Variants in ZNF793 observed in about 807,000 individuals in gnomAD.
The protein encoded by ZNF793 is zinc finger protein 793.
Under a neutral mutation model 12.4 loss-of-function variants are expected in ZNF793, and 5 were observed. The observed-to-expected ratio is 0.40, with a 90% CI of 0.21 to 0.84. ZNF793 has a LOEUF of 0.84. Ranked by LOEUF, ZNF793 falls within the 40% of genes least tolerant of loss-of-function variation. The probability of loss-of-function intolerance (pLI) is 0.35; values close to 1 mark genes in which losing one functional copy is unlikely to be tolerated. For synonymous variants in ZNF793, 162 were observed against 172.4 expected (o/e 0.94, Z 0.47); for missense variants, 456 against 495.0 (o/e 0.92, Z 0.75).
Position 37,542,309 on chromosome 19 carries a change from C to A in ZNF793, c.*4430C>A, listed in dbSNP as rs1423990259. On this transcript the variant is annotated 3_prime_UTR_variant, in exon 8 of 8. Transcript: ENST00000627814. ...TCGGGAGGCTGAGGCAGGAGAATCA[C>A]TTGAACCCAGGAGGCAGAGGTTGCA... 1 of 224,018 alleles carries A rather than the reference C, an allele frequency of 4.5e-6. No individual in the cohort carries two copies. The highest frequency in any genetic ancestry group is 2.3e-5 in the African/African-American group (1 of 43,670). 13.9% of individuals were successfully genotyped at this position (224,018 alleles called of 1,614,324 possible).
At chr19:37,527,772 T>G (rs1030167973) in intron 5 of ZNF793, among the ~76,000 whole-genome samples, 1 of 152,156 alleles carries the variant, frequency 6.6e-6, no homozygotes, top group African/African-American at 2.4e-5. Context: ...CTCATAGAAC[T>G]CACTGAAAGC....
chr19:37,523,747 G>A (rs1049991394), intron 5 of ZNF793, among the ~76,000 whole-genome samples: 2 of 152,200 alleles, frequency 1.3e-5, no homozygotes, highest in Non-Finnish European at 2.9e-5. Flanking sequence ...ATGGAGGCAA[G>A]GAGGCTTTTA....
chr19:37,525,228 T>A (rs1057106438), intron 5 of ZNF793, among the ~76,000 whole-genome samples: 8 of 151,902 alleles, frequency 5.3e-5, no homozygotes, highest in African/African-American at 1.9e-4. Flanking sequence ...CAACTCCTCC[T>A]TCCGGGTTCA....
At chr19:37,512,470 A>T (rs8109709) in intron 2 of ZNF793, among the ~76,000 whole-genome samples, 1 of 151,916 alleles carries the variant, frequency 6.6e-6, no homozygotes, top group Non-Finnish European at 1.5e-5. Context: ...AGCCGAGATC[A>T]CGCCACTACA....
chr19:37,533,805 A>C (rs2042481682), intron 7 of ZNF793: 2 of 361,468 alleles, frequency 5.5e-6, no homozygotes, highest in Non-Finnish European at 9.8e-6. Flanking sequence ...GTGGGATCAG[A>C]GAAGAGGAAG....
At chr19:37,527,626 A>G (rs1461329357) in intron 5 of ZNF793, among the ~76,000 whole-genome samples, 2 of 152,170 alleles carry the variant, frequency 1.3e-5, no homozygotes, top group East Asian at 1.9e-4. Context: ...TCCAGCCCCA[A>G]TCCACTGCTT....
At position 37,538,208 on chromosome 19, in the gene ZNF793, C is replaced by A; in HGVS notation, c.*329C>A. ...GGGATTACAGGCGTGAGCCACCGCG[C>A]CTGGCCGGTATGTAGGGAATTTATC... On this transcript the variant is annotated 3_prime_UTR_variant, in exon 8 of 8. Coordinates refer to ENST00000627814, the MANE Select transcript of ZNF793 (RefSeq NM_001013659.3). 1 of 213,298 alleles carries A rather than the reference C, an allele frequency of 4.7e-6. No homozygotes were observed. Among genetic ancestry groups the A allele is most frequent in the African/African-American group, 2.3e-5 (1 of 43,292 alleles). 13.2% of individuals were successfully genotyped at this position (213,298 alleles called of 1,614,324 possible). A position where few individuals can be genotyped will look rare whatever the true frequency, so the allele number is the denominator to read the frequency against.
Position 37,537,582 on chromosome 19 carries a change from G to C in ZNF793, c.924G>C (p.Glu308Asp), listed in dbSNP as rs188659958. 5.8e-5 allele frequency: 94 copies of C among 1,614,152 alleles called. No homozygotes were observed. In the African/African-American group the frequency reaches 1.1e-3, roughly 19 times the overall value. ...AACATCAGAGAACACACACAGGAGA[G>C]AGACCCTTTGTCTGCAGTGAATGCG... is the stretch of plus-strand genomic sequence containing the variant. ...RTEHQRTHTG[E>D]RPFVCSECGK... The change falls in exon 8 of 8, where the codon GAG becomes GAC. Residue 308 changes from glutamate (E) to aspartate (D), a missense_variant. By Grantham distance (45) the Glu-to-Asp change is conservative. Transcript: ENST00000627814.
chr19:37,512,629 C>G (rs2147059525), intron 2 of ZNF793, among the ~76,000 whole-genome samples: 1 of 152,246 alleles, frequency 6.6e-6, no homozygotes, highest in African/African-American at 2.4e-5. Context: ...TTTTCTGTCT[C>G]TCTGTCTGTA....
At position 37,537,336 on chromosome 19, in the gene ZNF793, C is replaced by T; in HGVS notation, c.678C>T (p.Pro226=). The part of the protein sequence containing the change: ...KRKRVPPTEK[P]HVCSECGKAF... ...AGAGGGTTCCACCTACAGAAAAACC[C>T]CACGTCTGTAGTGAGTGTGGGAAAG... Residue 226 remains proline (P), a synonymous_variant, in exon 8 of 8, where the codon CCC becomes CCT. Coordinates refer to ENST00000627814, the MANE Select transcript of ZNF793 (RefSeq NM_001013659.3). 3 of 1,613,360 alleles carry T rather than the reference C, an allele frequency of 1.9e-6. No individual in the cohort carries two copies. The highest frequency in any genetic ancestry group is 2.5e-6 in the Non-Finnish European group (3 of 1,179,656).
rs1486657956 is a variant in ZNF793, at chr19:37,537,160, G to C, written c.502G>C (p.Ala168Pro). 3.7e-6 allele frequency: 6 copies of C among 1,613,258 alleles called. No homozygotes were observed. In the Admixed American group the frequency reaches 6.7e-5, roughly 18 times the overall value. Residue 168 changes from alanine (A) to proline (P), a missense_variant, in exon 8 of 8, where the codon GCT (alanine) becomes CCT (proline). Ala to Pro is a conservative substitution (Grantham distance 27). Coordinates refer to ENST00000627814, the MANE Select transcript of ZNF793 (RefSeq NM_001013659.3). Reference protein sequence around the residue: ...NCAKKQDECYAYGKLLQRINH... With the variant: ...NCAKKQDECYPYGKLLQRINH... ...TGCAAAAAAGCAAGATGAGTGTTAT[G>C]CTTATGGGAAATTGCTTCAGCGTAT...
At chr19:37,510,681 T>C (rs909721727) in intron 2 of ZNF793, among the ~76,000 whole-genome samples, 3 of 150,436 alleles carry the variant, frequency 2.0e-5, no homozygotes, top group Non-Finnish European at 3.0e-5. Flanking sequence ...GAGACCCTGT[T>C]TCAAAAAAAA....
intron 3 of ZNF793, among the ~76,000 whole-genome samples, chr19:37,521,427 CTCT>C (rs1165544834): frequency 7.6e-4 from 100 of 131,944 alleles, no homozygotes; most frequent in African/African-American, 2.7e-3. Flanking sequence ...ATGGTCAATT[CTCT>C]TTTTTTTTTT....
rs977069332 is a variant in ZNF793 at position 37,539,555 on chromosome 19, A to T, written c.*1676A>T. ...CATCCATATTAGAAAATAAATGGCC[A>T]TGTGGAATCTACATTTTTCAAGATT... On this transcript the variant is annotated 3_prime_UTR_variant, in exon 8 of 8. Transcript: ENST00000627814. 6.6e-6 allele frequency: 1 copy of T among 152,214 alleles called. No homozygotes were observed. The highest frequency in any genetic ancestry group is 2.4e-5 in the African/African-American group (1 of 41,454). The allele number at this position is 152,214 out of a possible 1,614,324, so 9.4% of individuals were successfully genotyped here.
At chr19:37,517,289 C>T (rs1402171185) in intron 2 of ZNF793, among the ~76,000 whole-genome samples, 1 of 151,976 alleles carries the variant, frequency 6.6e-6, no homozygotes, top group East Asian at 1.9e-4. Context: ...TAGTCTGTAT[C>T]TACAGCTGGA....
intron 2 of ZNF793, among the ~76,000 whole-genome samples, chr19:37,514,276 A>G (rs922867078): frequency 6.6e-6 from 1 of 152,214 alleles, no homozygotes; most frequent in African/African-American, 2.4e-5. Context: ...CATCTCAACT[A>G]TCAGGTTAGA....
chr19:37,535,519 AT>A (rs1252634870), intron 7 of ZNF793: 1 of 152,066 alleles, frequency 6.6e-6, no homozygotes, highest in Non-Finnish European at 1.5e-5. Context: ...GAAAATAGTT[AT>A]CAAAAAAAAA....
At chr19:37,532,891 G>C (rs1038369553) in intron 6 of ZNF793, among the ~76,000 whole-genome samples, 14 of 152,052 alleles carry the variant, frequency 9.2e-5, no homozygotes, top group African/African-American at 3.4e-4. Flanking sequence ...TAATTATCTA[G>C]CACTTTCTAT....
chr19:37,531,613 C>G (rs527429181), intron 5 of ZNF793, among the ~76,000 whole-genome samples: 1 of 152,176 alleles, frequency 6.6e-6, no homozygotes, highest in Non-Finnish European at 1.5e-5. Context: ...CATCTTCCTG[C>G]GGAGGAGAGT....
Sources: allele counts gnomAD v4.1 joint callset (sites outside exome capture counted in the v4.1 genomes callset), GRCh38; gene constraint gnomAD v4.1.1; transcripts MANE v1.5; gene names NCBI Gene and HGNC (gene_info 2026-07-23, HGNC 2026-07-21).